The following TENM2 variants were observed in gnomAD, a reference collection of about 807,000 sequenced individuals.
TENM2 encodes the protein teneurin-2.
A neutral mutation model predicts 245.2 loss-of-function variants in TENM2; 52 were observed. That is an observed-to-expected ratio of 0.21 (90% CI 0.17 to 0.27). The LOEUF is 0.27. Among genes scored for constraint, TENM2 ranks in the 10% least tolerant of loss-of-function variants. TENM2 has a pLI of 1.00. For missense variants in TENM2, 3,046 were observed against 3,666.8 expected, an observed-to-expected ratio of 0.83 and a Z score of 4.37; for synonymous variants, 1,363 against 1,438.9, an observed-to-expected ratio of 0.95 and a Z score of 1.19.
At chr5:167,412,859 G>T (rs1328212054) in intron 2 of TENM2, among the ~76,000 whole-genome samples, 1 of 138,288 alleles carries the variant, frequency 7.2e-6, no homozygotes, top group Admixed American at 7.8e-5. Flanking sequence ...TGCAGAGTCT[G>T]AAAATATGTC....
intron 3 of TENM2, among the ~76,000 whole-genome samples, chr5:167,918,386 G>A (rs1777104832): frequency 6.6e-6 from 1 of 152,214 alleles, no homozygotes. Flanking sequence ...CATCAGGAAT[G>A]AGATGCTTGC....
intron 5 of TENM2, among the ~76,000 whole-genome samples, chr5:168,042,013 C>T (rs1788231955): frequency 6.6e-6 from 1 of 152,178 alleles, no homozygotes; most frequent in African/African-American, 2.4e-5. Flanking sequence ...CCAGCAGTGG[C>T]ACTTTTGGAA....
chr5:167,737,198 A>T (rs1760861848), intron 2 of TENM2, among the ~76,000 whole-genome samples: 1 of 152,140 alleles, frequency 6.6e-6, no homozygotes, highest in Admixed American at 6.5e-5. Context: ...GACGAGCCTA[A>T]AGTGATCATT....
At chr5:167,627,269 C>T (rs754470323) in intron 2 of TENM2, among the ~76,000 whole-genome samples, 68 of 152,094 alleles carry the variant, frequency 4.5e-4, no homozygotes, top group Admixed American at 1.1e-3. Flanking sequence ...CTAAAGAAAA[C>T]AGCAATTTCA....
the TENM2 span, among the ~76,000 whole-genome samples, chr5:167,027,702 T>C: frequency 6.6e-6 from 1 of 152,204 alleles, no homozygotes; most frequent in Non-Finnish European, 1.5e-5. Context: ...TAAAGAAGAA[T>C]GAAATATCAT....
At chr5:167,551,449 A>G (rs1772935119) in intron 2 of TENM2, among the ~76,000 whole-genome samples, 1 of 152,200 alleles carries the variant, frequency 6.6e-6, no homozygotes, top group South Asian at 2.1e-4. Context: ...CCATCTATAC[A>G]TCTGTCAACA....
intron 1 of TENM2, among the ~76,000 whole-genome samples, chr5:167,364,532 G>T (rs1759921213): frequency 6.6e-6 from 1 of 151,854 alleles, no homozygotes; most frequent in Non-Finnish European, 1.5e-5. Context: ...TAAATAACAA[G>T]ACCTAATTAT....
intron 5 of TENM2, among the ~76,000 whole-genome samples, chr5:168,006,798 GAGAA>G (rs1784856156): frequency 1.3e-5 from 2 of 152,168 alleles, no homozygotes; most frequent in Non-Finnish European, 2.9e-5. Flanking sequence ...TTAGAGAAGA[GAGAA>G]AGGTCGCTTT....
chr5:167,914,034 G>C (rs1219507434), intron 3 of TENM2, among the ~76,000 whole-genome samples: 1 of 152,166 alleles, frequency 6.6e-6, no homozygotes, highest in East Asian at 1.9e-4. Context: ...TATGTGTATA[G>C]AAGGGAAAAT....
the TENM2 span, among the ~76,000 whole-genome samples, chr5:167,032,973 G>A: frequency 6.6e-6 from 1 of 151,978 alleles, no homozygotes; most frequent in East Asian, 1.9e-4. Context: ...TTCTTTTTCA[G>A]CTCAAAAATT....
At chr5:167,572,341 G>A (rs1453174441) in intron 2 of TENM2, among the ~76,000 whole-genome samples, 4 of 152,152 alleles carry the variant, frequency 2.6e-5, no homozygotes, top group Non-Finnish European at 1.5e-5. Context: ...TAGGGTCCGG[G>A]GATATGTTGT....
chr5:167,255,842 T>G, the TENM2 span, among the ~76,000 whole-genome samples: 1 of 152,168 alleles, frequency 6.6e-6, no homozygotes, highest in Non-Finnish European at 1.5e-5. Flanking sequence ...AAGTTTTATT[T>G]CTACTTCCTG....
intron 5 of TENM2, among the ~76,000 whole-genome samples, chr5:168,007,285 C>G (rs369177819): frequency 6.6e-6 from 1 of 152,138 alleles, no homozygotes; most frequent in East Asian, 1.9e-4. Context: ...CCCGCCATCA[C>G]GCCCACCTAA....
intron 2 of TENM2, among the ~76,000 whole-genome samples, chr5:167,750,511 G>C (rs542039723): frequency 3.9e-5 from 6 of 152,242 alleles, no homozygotes; most frequent in Admixed American, 3.3e-4. Context: ...AAGCATCAGT[G>C]ATGACCTGGC....
the TENM2 span, among the ~76,000 whole-genome samples, chr5:167,166,643 C>T: frequency 3.9e-5 from 6 of 151,960 alleles, no homozygotes; most frequent in Middle Eastern, 0.017. Context: ...CCTTTATATA[C>T]CCTTTTAGCC....
Position 167,866,865 on chromosome 5 carries a change from C to T in TENM2, c.503-9121C>T, listed in dbSNP as rs60845036. Among the ~76,000 whole-genome samples, 1,319 of 152,326 alleles carry T rather than the reference C, an allele frequency of 8.7e-3. 17 individuals are homozygous for T. The highest frequency in any genetic ancestry group is 0.03 in the African/African-American group (1,235 of 41,572). ...TAGCCGGATGTGGCTATCTAAATGT[C>T]ACTAAAACTTAATACAATTAAAAAT... On this transcript the variant is annotated intron_variant, in intron 2 of 28. Coordinates refer to ENST00000518659, the Ensembl canonical transcript of TENM2.
chr5:167,531,462 C>A (rs888465596), intron 2 of TENM2, among the ~76,000 whole-genome samples: 1 of 151,866 alleles, frequency 6.6e-6, no homozygotes, highest in Non-Finnish European at 1.5e-5. Flanking sequence ...CAGTCTGACA[C>A]GTCCATCACT....
At chr5:168,161,699 C>T (rs145987287) in intron 12 of TENM2, among the ~76,000 whole-genome samples, 9 of 152,200 alleles carry the variant, frequency 5.9e-5, no homozygotes, top group East Asian at 1.9e-4. Context: ...TTTTCTCCCC[C>T]AGTCTCCCTT....
At chr5:167,901,324 A>G (rs1461989285) in intron 3 of TENM2, among the ~76,000 whole-genome samples, 1 of 152,176 alleles carries the variant, frequency 6.6e-6, no homozygotes, top group Non-Finnish European at 1.5e-5. Flanking sequence ...CATATTTATG[A>G]TTTGTGGTAT....
Sources: allele counts gnomAD v4.1 joint callset (sites outside exome capture counted in the v4.1 genomes callset), GRCh38; gene constraint gnomAD v4.1.1; transcripts MANE v1.5; gene names NCBI Gene and HGNC (gene_info 2026-07-23, HGNC 2026-07-21).